AKAP7: variants seen among roughly 807,000 people sequenced by gnomAD.
AKAP7 encodes the protein A kinase (PRKA) anchor protein 7.
Under a neutral mutation model 39.5 loss-of-function variants are expected in AKAP7, and 39 were observed. That is an observed-to-expected ratio of 0.99 (90% CI 0.76 to 1.29). The LOEUF (loss-of-function observed/expected upper bound fraction) is 1.29, where lower values mean the gene tolerates loss of function less well. AKAP7 is among the 50% of genes most tolerant of loss of function. The pLI, the probability that AKAP7 is intolerant of heterozygous loss-of-function variation, is 0.00. For missense variants in AKAP7, 414 were observed against 407.7 expected, an observed-to-expected ratio of 1.02 and a Z score of -0.13; for synonymous variants, 140 against 139.1, an observed-to-expected ratio of 1.01 and a Z score of -0.05.
rs9402320 is a variant in AKAP7, at chr6:131,135,593, G to C, written c.-171G>C. On this transcript the variant is annotated 5_prime_UTR_variant, in exon 1 of 8. Transcript: ENST00000431975. Reference sequence around the variant, plus strand: ...CCGCGCTTCCGCAGGCCTGGCCTCCGCCGCCCGGGCCCCCGCAGCCTGTCG... The same window carrying C: ...CCGCGCTTCCGCAGGCCTGGCCTCCCCCGCCCGGGCCCCCGCAGCCTGTCG... The C allele has an allele frequency of 0.14, 67,353 of 478,616 alleles. 5,727 individuals carry two copies. Among genetic ancestry groups the C allele is most frequent in the East Asian group, 0.58 (3,895 of 6,738 alleles). The allele number at this position is 478,616 out of a possible 1,614,324, so 29.6% of individuals were successfully genotyped here.
intron 1 of AKAP7, among the ~76,000 whole-genome samples, chr6:131,144,874 C>G (rs541001572): frequency 1.1e-4 from 16 of 152,058 alleles, no homozygotes; most frequent in Admixed American, 6.5e-4. Context: ...AAATTATAGG[C>G]CAGAACTTGT....
chr6:131,261,319 C>A (rs1813316190), intron 7 of AKAP7, among the ~76,000 whole-genome samples: 2 of 149,202 alleles, frequency 1.3e-5, no homozygotes, highest in Admixed American at 6.6e-5. Context: ...TGTTGTAACA[C>A]TTACATACCA....
At chr6:131,229,452 G>A (rs910855373) in intron 7 of AKAP7, among the ~76,000 whole-genome samples, 2 of 152,058 alleles carry the variant, frequency 1.3e-5, no homozygotes, top group Admixed American at 1.3e-4. Flanking sequence ...GGGTTCAAGC[G>A]ATTCTCCTGC....
intron 7 of AKAP7, among the ~76,000 whole-genome samples, chr6:131,263,991 C>G (rs563278562): frequency 1.6e-4 from 25 of 152,284 alleles, no homozygotes; most frequent in African/African-American, 6.0e-4. Context: ...CTGTTTTTCC[C>G]CCCATTCTTT....
At chr6:131,269,010 C>G (rs1357228622) in intron 7 of AKAP7, among the ~76,000 whole-genome samples, 1 of 152,174 alleles carries the variant, frequency 6.6e-6, no homozygotes, top group Non-Finnish European at 1.5e-5. Context: ...CAATGATAGA[C>G]ATACTTCTGT....
At chr6:131,206,164 G>A (rs567874600) in intron 6 of AKAP7, among the ~76,000 whole-genome samples, 55 of 152,248 alleles carry the variant, frequency 3.6e-4, no homozygotes, top group Admixed American at 8.5e-4. Flanking sequence ...AAATGTGATC[G>A]CCTAATGTAT....
intron 2 of AKAP7, among the ~76,000 whole-genome samples, chr6:131,151,439 G>C (rs1801911950): frequency 6.6e-6 from 1 of 151,198 alleles, no homozygotes; most frequent in Non-Finnish European, 1.5e-5. Context: ...AGATACTAAA[G>C]GGGAATAATT....
intron 7 of AKAP7, among the ~76,000 whole-genome samples, chr6:131,264,811 T>C (rs533316909): frequency 6.6e-6 from 1 of 152,300 alleles, no homozygotes; most frequent in South Asian, 2.1e-4. Flanking sequence ...CTTGTACTCA[T>C]GGCAGAAGGT....
intron 7 of AKAP7, among the ~76,000 whole-genome samples, chr6:131,239,527 G>A (rs1232675910): frequency 5.9e-5 from 9 of 152,246 alleles, no homozygotes; most frequent in African/African-American, 1.7e-4. Context: ...CATTCTCCCC[G>A]TCACTTTCAG....
chr6:131,202,462 G>C (rs1807670431), intron 6 of AKAP7, among the ~76,000 whole-genome samples: 1 of 151,208 alleles, frequency 6.6e-6, no homozygotes, highest in African/African-American at 2.4e-5. Flanking sequence ...CCTTTGTAGG[G>C]ACATGGATGA....
intron 2 of AKAP7, among the ~76,000 whole-genome samples, chr6:131,154,785 A>G (rs1278930384): frequency 6.6e-6 from 1 of 152,146 alleles, no homozygotes; most frequent in African/African-American, 2.4e-5. Flanking sequence ...AGTTACCAAA[A>G]TCTATGCACT....
intron 5 of AKAP7, among the ~76,000 whole-genome samples, chr6:131,176,664 G>T (rs1036792589): frequency 6.6e-6 from 1 of 152,046 alleles, no homozygotes; most frequent in Non-Finnish European, 1.5e-5. Flanking sequence ...TGAACATTAT[G>T]CTTTCTTTCA....
chr6:131,198,783 A>G (rs577925431), intron 5 of AKAP7, among the ~76,000 whole-genome samples: 1 of 152,274 alleles, frequency 6.6e-6, no homozygotes, highest in East Asian at 1.9e-4. Flanking sequence ...ATCCTTTTGA[A>G]TGTGTTTTTC....
upstream of AKAP7, among the ~76,000 whole-genome samples, chr6:131,135,077 T>A (rs1024199688): frequency 6.6e-6 from 1 of 152,192 alleles, no homozygotes; most frequent in Non-Finnish European, 1.5e-5. Flanking sequence ...GTAAATAAAG[T>A]ATCTCATTAT....
At chr6:131,266,515 C>T (rs571814775) in intron 7 of AKAP7, among the ~76,000 whole-genome samples, 1 of 152,300 alleles carries the variant, frequency 6.6e-6, no homozygotes, top group South Asian at 2.1e-4. Flanking sequence ...GTATACATCA[C>T]CAAAGAGAAC....
chr6:131,126,537 C>A, the AKAP7 span, among the ~76,000 whole-genome samples: 1 of 152,168 alleles, frequency 6.6e-6, no homozygotes, highest in East Asian at 1.9e-4. Context: ...TAGGTTCAAT[C>A]TCTAGAAAGT....
chr6:131,249,019 G>A (rs1812241857), intron 7 of AKAP7, among the ~76,000 whole-genome samples: 1 of 152,004 alleles, frequency 6.6e-6, no homozygotes, highest in Non-Finnish European at 1.5e-5. Context: ...TTTAAACCAA[G>A]GTAAAATAAG....
At chr6:131,175,175 C>G (rs1804455668) in intron 5 of AKAP7, among the ~76,000 whole-genome samples, 1 of 152,078 alleles carries the variant, frequency 6.6e-6, no homozygotes, top group Non-Finnish European at 1.5e-5. Flanking sequence ...GGTTTTCAAC[C>G]TCATCATTTT....
chr6:131,199,373 G>A, intron 5 of AKAP7, 88 bp from the exon 6 acceptor site: 2 of 861,064 alleles, frequency 2.3e-6, no homozygotes, highest in Non-Finnish European at 3.6e-6. Flanking sequence ...AATAATTAGT[G>A]ATTGTTTGAA....
Sources: allele counts gnomAD v4.1 joint callset (sites outside exome capture counted in the v4.1 genomes callset), GRCh38; gene constraint gnomAD v4.1.1; transcripts MANE v1.5; gene names NCBI Gene and HGNC (gene_info 2026-07-23, HGNC 2026-07-21).